The following ME1 variants were observed in gnomAD, a reference collection of about 807,000 sequenced individuals.
ME1 encodes malic enzyme 1.
Under a neutral mutation model 66.4 loss-of-function variants are expected in ME1, and 74 were observed. The observed-to-expected ratio is 1.11, with a 90% CI of 0.92 to 1.35. The LOEUF is 1.35. Among genes scored for constraint, ME1 ranks in the 40% most tolerant of loss-of-function variants. The probability of loss-of-function intolerance (pLI) is 0.00; values close to 1 mark genes in which losing one functional copy is unlikely to be tolerated. For synonymous variants in ME1, 251 were observed against 235.6 expected (o/e 1.07, Z -0.60); for missense variants, 750 against 694.1 (o/e 1.08, Z -0.90).
intron 13 of ME1, among the ~76,000 whole-genome samples, chr6:83,214,928 C>A (rs961121244): frequency 7.9e-5 from 12 of 152,094 alleles, no homozygotes; most frequent in Admixed American, 2.6e-4. Context: ...TTTTGGCACT[C>A]CCCTGCTGTC....
At chr6:83,420,220 G>A (rs1279083711) in intron 1 of ME1, among the ~76,000 whole-genome samples, 4 of 151,992 alleles carry the variant, frequency 2.6e-5, no homozygotes, top group African/African-American at 9.7e-5. Flanking sequence ...GGCGCCCACC[G>A]CCATGCCCAG....
At chr6:83,407,973 A>AGT in intron 1 of ME1, 72 bp from the exon 2 acceptor site, 1 of 1,478,020 alleles carries the variant, frequency 6.8e-7, no homozygotes, top group African/African-American at 1.4e-5. Flanking sequence ...ATACATATAA[A>AGT]ATCTGACAAG....
At chr6:83,402,182 G>A (rs567515590) in intron 2 of ME1, among the ~76,000 whole-genome samples, 2 of 152,272 alleles carry the variant, frequency 1.3e-5, no homozygotes, top group South Asian at 2.1e-4. Flanking sequence ...TGAAGACTCA[G>A]TTACCAGCAA....
intron 3 of ME1, chr6:83,392,889 C>G: frequency 1.3e-6 from 1 of 794,142 alleles, no homozygotes; most frequent in South Asian, 1.3e-5. Context: ...CTGCTTAACG[C>G]CCCTGGCCAA....
intron 3 of ME1, among the ~76,000 whole-genome samples, chr6:83,392,023 T>C (rs1769631830): frequency 6.6e-6 from 1 of 152,240 alleles, no homozygotes; most frequent in Non-Finnish European, 1.5e-5. Context: ...CTCTTCTTCT[T>C]TTGGAATATA....
At position 83,398,437 on chromosome 6, in the gene ME1, T is replaced by A; in HGVS notation, c.292A>T (p.Met98Leu). The change falls in exon 3 of 14, where the codon ATG becomes TTG. Residue 98 changes from methionine to leucine, a missense_variant. Met to Leu is a conservative substitution (Grantham distance 15). Coordinates refer to ENST00000369705, the MANE Select transcript of ME1 (RefSeq NM_002395.6). The part of the protein sequence containing the change: ...RVLTSDIEKF[M>L]PIVYTPTVGL... ...ACAGTGGGAGTATAAACAATAGGCA[T>A]GAATTTCTCAATGTCAGATGTCAGC... is the stretch of plus-strand genomic sequence containing the variant. 1 of 1,602,932 alleles carries A rather than the reference T, an allele frequency of 6.2e-7. No individual in the cohort carries two copies. Among genetic ancestry groups the A allele is most frequent in the Admixed American group, 1.7e-5 (1 of 58,684 alleles).
At chr6:83,224,016 G>A in intron 11 of ME1, 83 bp from the exon 12 acceptor site, 1 of 1,196,536 alleles carries the variant, frequency 8.4e-7, no homozygotes, top group Non-Finnish European at 1.2e-6. Context: ...CTACCCCACA[G>A]CCTAAATTAT....
At position 83,235,045 on chromosome 6, in the gene ME1, A is replaced by G. The variant is rs536861439; in HGVS notation, c.1026+2672T>C. The stretch of plus-strand genomic sequence containing the variant: ...AAGATCTCTCAGTGAACTTGCCATC[A>G]TATTTCCTTTGTTTCAGTTTTGTAT... On this transcript the variant is annotated intron_variant, in intron 9 of 13. Coordinates refer to ENST00000369705, the MANE Select transcript of ME1 (RefSeq NM_002395.6). 5.2e-4 allele frequency among the ~76,000 whole-genome samples: 79 copies of G among 152,312 alleles called. 1 individual carries two copies. The highest frequency in any genetic ancestry group is 9.7e-4 in the Non-Finnish European group (66 of 68,030).
At position 83,211,705 on chromosome 6, in the gene ME1, C is replaced by T. The variant is rs1416890679; in HGVS notation, c.*219G>A. On this transcript the variant is annotated 3_prime_UTR_variant, in exon 14 of 14. Transcript: ENST00000369705. The stretch of plus-strand genomic sequence containing the variant: ...TAAAGAGAACGTAGGCAGAATAATT[C>T]AGACAGAAACCATAAATAACCAGAA... 2.8e-6 allele frequency: 1 copy of T among 358,810 alleles called. No individual in the cohort carries two copies. The highest frequency in any genetic ancestry group is 4.5e-5 in the East Asian group (1 of 22,422). The allele number at this position is 358,810 out of a possible 1,614,324, so 22.2% of individuals were successfully genotyped here.
intron 6 of ME1, among the ~76,000 whole-genome samples, chr6:83,261,736 G>A (rs868714998): frequency 3.3e-5 from 5 of 151,968 alleles, no homozygotes; most frequent in Non-Finnish European, 7.4e-5. Flanking sequence ...AGCATAGGCC[G>A]GGCGCGGTGG....
chr6:83,255,799 T>TAC (rs1366065504), intron 6 of ME1, among the ~76,000 whole-genome samples: 2 of 151,970 alleles, frequency 1.3e-5, no homozygotes, highest in East Asian at 1.9e-4. Context: ...TATAAGATAT[T>TAC]ACACACACAC....
chr6:83,346,827 C>T (rs1180382254), intron 4 of ME1, among the ~76,000 whole-genome samples: 2 of 152,320 alleles, frequency 1.3e-5, no homozygotes, highest in African/African-American at 4.8e-5. Context: ...TCCTTAACTC[C>T]TATAATCACT....
intron 6 of ME1, among the ~76,000 whole-genome samples, chr6:83,263,177 T>G (rs1240856893): frequency 3.9e-5 from 6 of 152,194 alleles, no homozygotes; most frequent in African/African-American, 7.2e-5. Context: ...ATGGCAAACT[T>G]AAGCAATAAA....
At chr6:83,325,538 T>C (rs1211218395) in intron 5 of ME1, among the ~76,000 whole-genome samples, 3 of 152,098 alleles carry the variant, frequency 2.0e-5, no homozygotes, top group South Asian at 2.1e-4. Flanking sequence ...AAAATCAATA[T>C]ACAAAAATCA....
intron 6 of ME1, among the ~76,000 whole-genome samples, chr6:83,278,036 T>C (rs1220822138): frequency 6.6e-6 from 1 of 152,072 alleles, no homozygotes; most frequent in Non-Finnish European, 1.5e-5. Context: ...GGTTCTTACA[T>C]GTAAAGAGCT....
At chr6:83,407,536 T>C (rs1769969137) in intron 2 of ME1, among the ~76,000 whole-genome samples, 1 of 152,238 alleles carries the variant, frequency 6.6e-6, no homozygotes, top group African/African-American at 2.4e-5. Context: ...CAGTATCATA[T>C]GATAAACATG....
chr6:83,305,708 C>A (rs1001616790), intron 6 of ME1, among the ~76,000 whole-genome samples: 1 of 152,106 alleles, frequency 6.6e-6, no homozygotes, highest in African/African-American at 2.4e-5. Flanking sequence ...CTGAAATGCA[C>A]TGACTGTCAA....
intron 12 of ME1, among the ~76,000 whole-genome samples, chr6:83,223,452 G>T (rs1279155789): frequency 6.6e-6 from 1 of 152,212 alleles, no homozygotes; most frequent in African/African-American, 2.4e-5. Flanking sequence ...ACCACACCCA[G>T]CCCTGGAAAC....
chr6:83,290,323 T>C (rs1229537979), intron 6 of ME1, among the ~76,000 whole-genome samples: 1 of 152,218 alleles, frequency 6.6e-6, no homozygotes, highest in African/African-American at 2.4e-5. Flanking sequence ...TTCTGGTACA[T>C]TGTGTCTTTG....
Sources: allele counts gnomAD v4.1 joint callset (sites outside exome capture counted in the v4.1 genomes callset), GRCh38; gene constraint gnomAD v4.1.1; transcripts MANE v1.5; gene names NCBI Gene and HGNC (gene_info 2026-07-23, HGNC 2026-07-21).